Variants in RANBP2 observed in about 807,000 individuals in gnomAD.
RANBP2 encodes the protein RAN binding protein 2.
In RANBP2, 57 loss-of-function variants were observed where a neutral mutation model predicts 303.6. The ratio of observed to expected loss-of-function variants is 0.19; its 90% CI spans 0.15 to 0.23. The LOEUF (loss-of-function observed/expected upper bound fraction) is 0.23, where lower values mean the gene tolerates loss of function less well. Among genes scored for constraint, RANBP2 ranks in the 10% least tolerant of loss-of-function variants. The pLI, the probability that RANBP2 is intolerant of heterozygous loss-of-function variation, is 1.00. For missense variants in RANBP2, 3,138 were observed against 3,780.8 expected (o/e 0.83, Z 4.46); for synonymous variants, 1,167 against 1,301.5 (o/e 0.90, Z 2.23).
the RANBP2 span, among the ~76,000 whole-genome samples, chr2:109,468,335 T>C: frequency 5.3e-5 from 8 of 152,198 alleles, no homozygotes; most frequent in Admixed American, 3.9e-4. Flanking sequence ...GGAAGGGGAA[T>C]GCGTTGCACT....
At chr2:108,916,059 A>C in the RANBP2 span, among the ~76,000 whole-genome samples, 1 of 152,100 alleles carries the variant, frequency 6.6e-6, no homozygotes, top group Non-Finnish European at 1.5e-5. Flanking sequence ...GAGGCTTCAG[A>C]TTGTGTGCCC....
At chr2:109,285,141 C>T in the RANBP2 span, among the ~76,000 whole-genome samples, 3 of 152,200 alleles carry the variant, frequency 2.0e-5, no homozygotes, top group Non-Finnish European at 4.4e-5. Context: ...GTAGGGGTGA[C>T]AGTGAGGCTT....
the RANBP2 span, among the ~76,000 whole-genome samples, chr2:108,811,851 T>C: frequency 6.6e-6 from 1 of 152,188 alleles, no homozygotes; most frequent in Non-Finnish European, 1.5e-5. Flanking sequence ...CTTTGACTTA[T>C]AAATGAGAAC....
chr2:109,349,846 G>C, the RANBP2 span, among the ~76,000 whole-genome samples: 3 of 152,250 alleles, frequency 2.0e-5, no homozygotes, highest in African/African-American at 7.2e-5. Flanking sequence ...CTCTGCCCAG[G>C]ATGTGCAACC....
At chr2:108,846,472 A>C in the RANBP2 span, among the ~76,000 whole-genome samples, 47 of 151,762 alleles carry the variant, frequency 3.1e-4, no homozygotes, top group Admixed American at 7.9e-4. Context: ...TGAGCCCAAG[A>C]GTTCGAGACC....
the RANBP2 span, among the ~76,000 whole-genome samples, chr2:109,159,417 CAT>C: frequency 6.6e-6 from 1 of 152,214 alleles, no homozygotes; most frequent in Non-Finnish European, 1.5e-5. Flanking sequence ...AGGCTGTTGG[CAT>C]TTCTGTAACG....
chr2:108,920,614 G>A, the RANBP2 span, among the ~76,000 whole-genome samples: 1 of 152,148 alleles, frequency 6.6e-6, no homozygotes, highest in African/African-American at 2.4e-5. Flanking sequence ...AATCCAAGGT[G>A]ACAACCAACC....
chr2:109,073,187 G>T, the RANBP2 span, among the ~76,000 whole-genome samples: 6 of 152,148 alleles, frequency 3.9e-5, no homozygotes, highest in Non-Finnish European at 5.9e-5. Flanking sequence ...AATAAAGTGA[G>T]AATTTCAACC....
chr2:109,614,313 G>T, the RANBP2 span: 1 of 607,610 alleles, frequency 1.6e-6, no homozygotes, highest in Admixed American at 4.7e-5. Flanking sequence ...TGCGGGGGGC[G>T]TGTCCGCCCG....
chr2:109,610,645 G>A, the RANBP2 span, among the ~76,000 whole-genome samples: 1 of 152,142 alleles, frequency 6.6e-6, no homozygotes, highest in African/African-American at 2.4e-5. Context: ...GAACCAGGGA[G>A]GTGGAGGCTG....
At chr2:109,523,333 A>G in the RANBP2 span, among the ~76,000 whole-genome samples, 1 of 152,282 alleles carries the variant, frequency 6.6e-6, no homozygotes, top group Admixed American at 6.5e-5. Flanking sequence ...AGAGCTGTCC[A>G]GGCTGGAAGA....
chr2:109,338,357 C>T, the RANBP2 span, among the ~76,000 whole-genome samples: 1 of 152,068 alleles, frequency 6.6e-6, no homozygotes, highest in East Asian at 1.9e-4. Flanking sequence ...ACCCTCAAAA[C>T]TCCTTGAGCG....
the RANBP2 span, among the ~76,000 whole-genome samples, chr2:109,008,295 G>T: frequency 6.6e-6 from 1 of 152,162 alleles, no homozygotes; most frequent in South Asian, 2.1e-4. Flanking sequence ...TAAGTGCATG[G>T]TAGATGCACA....
the RANBP2 span, among the ~76,000 whole-genome samples, chr2:109,342,024 G>C: frequency 6.6e-6 from 1 of 152,188 alleles, no homozygotes; most frequent in African/African-American, 2.4e-5. Flanking sequence ...GGTCTCACCC[G>C]CCGGGGCCTA....
the RANBP2 span, among the ~76,000 whole-genome samples, chr2:108,957,246 T>C: frequency 6.6e-6 from 1 of 152,230 alleles, no homozygotes. Flanking sequence ...GGCTCCCAGG[T>C]GGCTGTTCAC....
the RANBP2 span, among the ~76,000 whole-genome samples, chr2:109,428,015 C>T: frequency 6.6e-6 from 1 of 152,238 alleles, no homozygotes; most frequent in South Asian, 2.1e-4. Context: ...TTCCACAGGA[C>T]TTACCCAGCC....
At chr2:109,131,679 G>A in the RANBP2 span, among the ~76,000 whole-genome samples, 3 of 152,188 alleles carry the variant, frequency 2.0e-5, no homozygotes, top group Non-Finnish European at 2.9e-5. Context: ...GGCATTTGTA[G>A]TACCTTTTAG....
chr2:109,471,597 G>A, the RANBP2 span, among the ~76,000 whole-genome samples: 1 of 152,212 alleles, frequency 6.6e-6, no homozygotes, highest in South Asian at 2.1e-4. Flanking sequence ...CATTGGAACA[G>A]CTCATGTAGG....
the RANBP2 span, among the ~76,000 whole-genome samples, chr2:109,519,237 A>T: frequency 6.6e-6 from 1 of 151,906 alleles, no homozygotes; most frequent in Non-Finnish European, 1.5e-5. Flanking sequence ...CACACTTCTA[A>T]ACAACCAGAT....
Sources: gnomAD v4.1 joint callset for allele counts (sites outside exome capture counted in the v4.1 genomes callset) on GRCh38, gnomAD v4.1.1 for gene constraint, MANE v1.5 for transcripts, NCBI Gene and HGNC (gene_info 2026-07-23, HGNC 2026-07-21) for gene names.